Variants in OS9 observed in about 807,000 individuals in gnomAD.
OS9 encodes the protein protein OS-9.
A neutral mutation model predicts 84.7 loss-of-function variants in OS9; 58 were observed. That is an observed-to-expected ratio of 0.68 (90% confidence interval 0.55 to 0.85). OS9 has a LOEUF of 0.85. Ranked by LOEUF, OS9 falls within the 40% of genes least tolerant of loss-of-function variation. The pLI is 0.00. For synonymous variants in OS9, 278 were observed against 320.8 expected, an observed-to-expected ratio of 0.87 and a Z score of 1.43; for missense variants, 760 against 850.9, an observed-to-expected ratio of 0.89 and a Z score of 1.33.
At chr12:57,700,905 G>C (rs1475841388) in intron 5 of OS9, among the ~76,000 whole-genome samples, 1 of 151,860 alleles carries the variant, frequency 6.6e-6, no homozygotes, top group Admixed American at 6.6e-5. Context: ...ATTTTTTTAA[G>C]TTATAAAACA....
In OS9 at chr12:57,719,095, G is replaced by C; in HGVS notation, c.1513G>C (p.Glu505Gln). 2 of 1,614,104 alleles carry C rather than the reference G, an allele frequency of 1.2e-6. No individual in the cohort carries two copies. Among genetic ancestry groups the C allele is most frequent in the Non-Finnish European group, 1.7e-6 (2 of 1,180,004 alleles). Residue 505 changes from glutamate to glutamine, a missense_variant, in exon 12 of 15, where the codon GAG becomes CAG. Physicochemically the swap from Glu to Gln is conservative, Grantham distance 29. Coordinates refer to ENST00000315970, the MANE Select transcript of OS9 (RefSeq NM_006812.4). Reference protein sequence around the residue: ...STLNKLIKRLEEKQSPELVKK... With the variant: ...STLNKLIKRLQEKQSPELVKK... The stretch of plus-strand genomic sequence containing the variant: ...TCTCAACAAACTCATCAAAAGACTG[G>C]AGGAAAAACAGAGTCCAGAGCTGGT...
Position 57,718,898 on chromosome 12 carries a change from C to T in OS9, c.1411-95C>T, listed in dbSNP as rs770479487. On this transcript the variant is annotated intron_variant, in intron 11 of 14. Transcript: ENST00000315970. ...CCAGCCTGGGTGATAAGCAAAACTC[C>T]ATTTCAAAATATCAGACTCTCCTAC... 137 of 884,618 alleles carry T rather than the reference C, an allele frequency of 1.5e-4. 1 individual carries two copies. Among genetic ancestry groups the T allele is most frequent in the Middle Eastern group, 7.1e-4 (2 of 2,824 alleles). The allele number at this position is 884,618 out of a possible 1,614,324, so 54.8% of individuals were successfully genotyped here.
At chr12:57,708,460 C>A (rs1954237216) in intron 5 of OS9, among the ~76,000 whole-genome samples, 1 of 151,658 alleles carries the variant, frequency 6.6e-6, no homozygotes, top group African/African-American at 2.4e-5. Context: ...AGTGAGATCC[C>A]ATCTCTACAA....
At chr12:57,711,559 A>G (rs1248122415) in intron 5 of OS9, among the ~76,000 whole-genome samples, 1 of 151,994 alleles carries the variant, frequency 6.6e-6, no homozygotes, top group Non-Finnish European at 1.5e-5. Context: ...GTTGACCAGG[A>G]TGGCCTTGAT....
chr12:57,697,862 A>AACACACACACAC (rs71084786), intron 5 of OS9, among the ~76,000 whole-genome samples: 10,372 of 116,348 alleles, frequency 0.089, 725 homozygotes, highest in Non-Finnish European at 0.11. Flanking sequence ...AACATAAGCA[A>AACACACACACAC]ACACACACAC....
chr12:57,720,704 C>A, intron 14 of OS9, 80 bp from the exon 15 acceptor site: 1 of 1,525,546 alleles, frequency 6.6e-7, no homozygotes, highest in Non-Finnish European at 8.9e-7. Flanking sequence ...CATTCCCTGC[C>A]TTCCCCCAGC....
At chr12:57,705,438 T>C (rs530948028) in intron 5 of OS9, among the ~76,000 whole-genome samples, 112 of 151,988 alleles carry the variant, frequency 7.4e-4, no homozygotes, top group African/African-American at 2.6e-3. Flanking sequence ...ATAGTTTTTA[T>C]TTTTGTCTTG....
chr12:57,717,849 A>C, intron 9 of OS9, 21 bp from the exon 10 acceptor site: 1 of 1,237,272 alleles, frequency 8.1e-7, no homozygotes, highest in East Asian at 2.5e-5. Context: ...CAGGTTCATG[A>C]TTATTATTCT....
At chr12:57,699,087 A>G (rs964171419) in intron 5 of OS9, among the ~76,000 whole-genome samples, 2 of 152,240 alleles carry the variant, frequency 1.3e-5, no homozygotes, top group Non-Finnish European at 2.9e-5. Context: ...AGAAGGAGTC[A>G]AGAATGATTT....
rs898833416 is a variant in OS9, at chr12:57,694,801, G to A, written c.214G>A (p.Glu72Lys). The A allele has an allele frequency of 1.2e-6, 2 of 1,614,128 alleles. No individual in the cohort carries two copies. Among genetic ancestry groups the A allele is most frequent in the Non-Finnish European group, 8.5e-7 (1 of 1,180,038 alleles). Reference sequence around the variant, plus strand: ...CTCCTCTAAGTACAAACAGCGCTATGAGTGTCGCCTGCCAGCTGGAGCTAT... The same window carrying A: ...CTCCTCTAAGTACAAACAGCGCTATAAGTGTCGCCTGCCAGCTGGAGCTAT... The part of the protein sequence containing the change: ...IVSSKYKQRY[E>K]CRLPAGAIHF... The change falls in exon 2 of 15, where the codon GAG (glutamate) becomes AAG (lysine). Residue 72 changes from glutamate (E) to lysine (K), a missense_variant. Glu to Lys is a moderately conservative substitution (Grantham distance 56). Transcript: ENST00000315970.
chr12:57,719,308 A>T (rs1032353295), intron 12 of OS9, 126 bp downstream of exon 12: 4 of 747,046 alleles, frequency 5.4e-6, no homozygotes, highest in African/African-American at 3.6e-5. Context: ...ACTTTCTGGA[A>T]CACTGTCCTC....
chr12:57,706,304 GT>G (rs922613563), intron 5 of OS9, among the ~76,000 whole-genome samples: 4 of 150,402 alleles, frequency 2.7e-5, no homozygotes, highest in African/African-American at 9.8e-5. Flanking sequence ...TTATTTTCTA[GT>G]TTTTTTTTAT....
intron 9 of OS9, among the ~76,000 whole-genome samples, chr12:57,717,325 A>C (rs1954527947): frequency 6.6e-6 from 1 of 152,234 alleles, no homozygotes; most frequent in Non-Finnish European, 1.5e-5. Flanking sequence ...TCCTAGAGGC[A>C]GGGACCATGT....
intron 5 of OS9, among the ~76,000 whole-genome samples, chr12:57,706,415 G>A (rs763914394): frequency 4.0e-5 from 6 of 150,428 alleles, no homozygotes; most frequent in Non-Finnish European, 7.4e-5. Context: ...AACTATTTTC[G>A]TAAGTGAATT....
intron 2 of OS9, chr12:57,695,459 T>G (rs1953797678): frequency 1.8e-6 from 1 of 545,858 alleles, no homozygotes; most frequent in Non-Finnish European, 3.4e-6. Flanking sequence ...TTCTTCTATG[T>G]TTCCCTAATA....
chr12:57,704,619 A>C lies in OS9; in HGVS notation c.579+8246A>C, dbSNP rs74320440. On this transcript the variant is annotated intron_variant, in intron 5 of 14. Coordinates refer to ENST00000315970, the MANE Select transcript of OS9 (RefSeq NM_006812.4). ...CTAGCTTTGATATTATGGTAATGCC[A>C]GCCTCACAGAATAAGTTAGGAAAGC... Among the ~76,000 whole-genome samples the C allele has an allele frequency of 4.3e-4, 66 of 152,316 alleles. No individual in the cohort carries two copies. In the East Asian group the frequency reaches 0.012, roughly 28 times the overall value.
chr12:57,699,620 T>C (rs1207064663), intron 5 of OS9, among the ~76,000 whole-genome samples: 1 of 152,162 alleles, frequency 6.6e-6, no homozygotes, highest in Non-Finnish European at 1.5e-5. Flanking sequence ...AGGCAAAACA[T>C]GTACATGGAA....
chr12:57,697,684 T>C (rs1436452798), intron 5 of OS9, among the ~76,000 whole-genome samples: 4 of 152,176 alleles, frequency 2.6e-5, no homozygotes, highest in Non-Finnish European at 5.9e-5. Flanking sequence ...AGGTCTGGGA[T>C]AGAGATATAA....
intron 5 of OS9, among the ~76,000 whole-genome samples, chr12:57,704,547 A>AC (rs1285410813): frequency 6.6e-6 from 1 of 151,996 alleles, no homozygotes; most frequent in Non-Finnish European, 1.5e-5. Context: ...CAAAAAAAAA[A>AC]AGATATTAGT....
Sources: gnomAD v4.1 joint callset for allele counts (sites outside exome capture counted in the v4.1 genomes callset) on GRCh38, gnomAD v4.1.1 for gene constraint, MANE v1.5 for transcripts, NCBI Gene and HGNC (gene_info 2026-07-23, HGNC 2026-07-21) for gene names.